Variants in KCNQ5 observed in about 807,000 individuals in gnomAD.
The protein encoded by KCNQ5 is potassium voltage-gated channel subfamily Q member 5, also known as potassium voltage-gated channel subfamily KQT member 5.
In KCNQ5, 30 loss-of-function variants were observed where a neutral mutation model predicts 98.2. The observed-to-expected ratio is 0.31, with a 90% confidence interval of 0.23 to 0.41. The LOEUF is 0.41. Among genes scored for constraint, KCNQ5 ranks in the 10% least tolerant of loss-of-function variants. KCNQ5 has a pLI of 1.00. For synonymous variants in KCNQ5, 458 were observed against 449.4 expected (o/e 1.02, Z -0.24); for missense variants, 835 against 1,182.5 (o/e 0.71, Z 4.31).
At chr6:72,789,332 C>G (rs1455025238) in intron 1 of KCNQ5, among the ~76,000 whole-genome samples, 1 of 152,132 alleles carries the variant, frequency 6.6e-6, no homozygotes, top group African/African-American at 2.4e-5. Context: ...AATCCACCCT[C>G]TATGTTTAAC....
chr6:72,714,577 G>A (rs974540151), intron 1 of KCNQ5, among the ~76,000 whole-genome samples: 2 of 152,108 alleles, frequency 1.3e-5, no homozygotes, highest in South Asian at 4.1e-4. Context: ...TTAATATTGT[G>A]TGGGTTACAA....
intron 1 of KCNQ5, among the ~76,000 whole-genome samples, chr6:72,973,661 C>G (rs916584258): frequency 2.0e-5 from 3 of 152,110 alleles, no homozygotes; most frequent in Admixed American, 2.0e-4. Flanking sequence ...GGTTTTCCAC[C>G]AAGCAACATT....
chr6:73,084,098 C>G (rs1169478278), intron 5 of KCNQ5, among the ~76,000 whole-genome samples: 1 of 152,184 alleles, frequency 6.6e-6, no homozygotes, highest in Non-Finnish European at 1.5e-5. Context: ...ATGGTTCACC[C>G]GAGATGAACA....
intron 1 of KCNQ5, among the ~76,000 whole-genome samples, chr6:72,796,356 C>T (rs762966947): frequency 1.2e-4 from 19 of 152,046 alleles, no homozygotes; most frequent in Non-Finnish European, 2.6e-4. Context: ...AATCCCACTC[C>T]CAAGCCTGGA....
chr6:73,102,236 G>GA (rs1448363919), intron 5 of KCNQ5, among the ~76,000 whole-genome samples: 1 of 152,064 alleles, frequency 6.6e-6, no homozygotes, highest in African/African-American at 2.4e-5. Flanking sequence ...TTGCCATATG[G>GA]AAAAAAATCA....
At chr6:72,731,367 A>G (rs1770542403) in intron 1 of KCNQ5, among the ~76,000 whole-genome samples, 1 of 152,230 alleles carries the variant, frequency 6.6e-6, no homozygotes, top group Admixed American at 6.5e-5. Flanking sequence ...AAGAATTTTT[A>G]TTAGGCTTGG....
At chr6:72,875,515 AT>A (rs1230725018) in intron 1 of KCNQ5, among the ~76,000 whole-genome samples, 3 of 152,208 alleles carry the variant, frequency 2.0e-5, no homozygotes, top group Non-Finnish European at 4.4e-5. Context: ...AACACAACAA[AT>A]GTCAAGTTGT....
intron 1 of KCNQ5, among the ~76,000 whole-genome samples, chr6:72,784,225 C>T (rs1452476923): frequency 6.6e-6 from 1 of 152,180 alleles, no homozygotes; most frequent in Non-Finnish European, 1.5e-5. Context: ...GTGTTACTGA[C>T]TGTGCTTCCA....
In KCNQ5 at chr6:72,632,223, C is replaced by T. The variant is rs145077742; in HGVS notation, c.398+9636C>T. ...CGCGATCCCCGCTCACTGCAAGCTC[C>T]GCCTCCTGGGTTCACACCATTCTCC... On this transcript the variant is annotated intron_variant, in intron 1 of 13. Coordinates refer to ENST00000370398, the MANE Select transcript of KCNQ5 (RefSeq NM_019842.4). Among the ~76,000 whole-genome samples, 1,390 of 151,202 alleles carry T rather than the reference C, an allele frequency of 9.2e-3. 11 individuals are homozygous for T. Among genetic ancestry groups the T allele is most frequent in the East Asian group, 0.02 (104 of 5,144 alleles).
At chr6:72,745,557 C>T (rs1177809314) in intron 1 of KCNQ5, among the ~76,000 whole-genome samples, 1 of 152,196 alleles carries the variant, frequency 6.6e-6, no homozygotes, top group Non-Finnish European at 1.5e-5. Flanking sequence ...TCCTCAAACT[C>T]AGTTTATATT....
chr6:73,031,246 T>C (rs956014520), intron 2 of KCNQ5, among the ~76,000 whole-genome samples: 4 of 152,094 alleles, frequency 2.6e-5, no homozygotes, highest in African/African-American at 4.8e-5. Flanking sequence ...GTAGAAACCA[T>C]AGGAGTGAAA....
intron 1 of KCNQ5, among the ~76,000 whole-genome samples, chr6:72,857,501 CA>C (rs1249871663): frequency 6.6e-6 from 1 of 152,154 alleles, no homozygotes; most frequent in Non-Finnish European, 1.5e-5. Context: ...AGTTTACATA[CA>C]AAACAAGTTT....
At chr6:72,874,207 G>A (rs960244188) in intron 1 of KCNQ5, among the ~76,000 whole-genome samples, 5 of 151,958 alleles carry the variant, frequency 3.3e-5, no homozygotes, top group African/African-American at 1.2e-4. Context: ...GAAAATAAAG[G>A]AATATCAGGG....
At chr6:72,631,425 G>A (rs969365502) in intron 1 of KCNQ5, among the ~76,000 whole-genome samples, 3 of 152,188 alleles carry the variant, frequency 2.0e-5, no homozygotes, top group African/African-American at 4.8e-5. Flanking sequence ...AAATGGAGTA[G>A]ACAGGAGGCT....
At chr6:73,169,669 T>C in intron 10 of KCNQ5, 77 bp from the exon 11 acceptor site, 1 of 1,035,890 alleles carries the variant, frequency 9.7e-7, no homozygotes, top group Admixed American at 1.7e-5. Flanking sequence ...TCCCGCCATT[T>C]CCACGTGAGA....
chr6:72,800,362 A>G (rs902495353), intron 1 of KCNQ5, among the ~76,000 whole-genome samples: 111 of 152,224 alleles, frequency 7.3e-4, no homozygotes, highest in Middle Eastern at 6.8e-3. Context: ...GGGAGGGTGT[A>G]TGTGTCGAGG....
At chr6:72,906,785 C>T (rs1016419967) in intron 1 of KCNQ5, among the ~76,000 whole-genome samples, 10 of 152,190 alleles carry the variant, frequency 6.6e-5, no homozygotes, top group Admixed American at 6.5e-5. Context: ...CCACTTCCTT[C>T]AGAGGGTCTG....
intron 1 of KCNQ5, among the ~76,000 whole-genome samples, chr6:72,747,473 C>A (rs1254257391): frequency 1.1e-4 from 17 of 152,110 alleles, no homozygotes; most frequent in Admixed American, 1.1e-3. Flanking sequence ...ATAAAAATTT[C>A]TCTGCTAGTT....
intron 1 of KCNQ5, among the ~76,000 whole-genome samples, chr6:72,892,604 T>G (rs939415872): frequency 1.3e-5 from 2 of 152,110 alleles, no homozygotes; most frequent in Admixed American, 1.3e-4. Context: ...GCCTGGGAGC[T>G]ATTATTCAAC....
Sources: gnomAD v4.1 joint callset for allele counts (sites outside exome capture counted in the v4.1 genomes callset) on GRCh38, gnomAD v4.1.1 for gene constraint, MANE v1.5 for transcripts, NCBI Gene and HGNC (gene_info 2026-07-23, HGNC 2026-07-21) for gene names.